Variants in MYLK observed in about 807,000 individuals in gnomAD.
MYLK encodes the protein myosin light chain kinase, smooth muscle.
A neutral mutation model predicts 203.4 loss-of-function variants in MYLK; 106 were observed. The ratio of observed to expected loss-of-function variants is 0.52; its 90% confidence interval spans 0.45 to 0.61. The LOEUF is 0.61. MYLK is among the 20% of genes least tolerant of loss of function. MYLK has a pLI of 0.00. For synonymous variants in MYLK, 867 were observed against 959.5 expected, an observed-to-expected ratio of 0.90 and a Z score of 1.78; for missense variants, 2,072 against 2,442.3, an observed-to-expected ratio of 0.85 and a Z score of 3.20.
intron 1 of MYLK, among the ~76,000 whole-genome samples, chr3:123,880,385 C>T (rs1468398891): frequency 6.6e-6 from 1 of 152,142 alleles, no homozygotes; most frequent in Non-Finnish European, 1.5e-5. Flanking sequence ...TGCAGGTGTT[C>T]GGTTCCCCCA....
chr3:123,701,467 T>C lies in MYLK; in HGVS notation c.2433A>G (p.Leu811=), dbSNP rs1320156713. ...GECSCQVSLM[L]QNSSARALPR... ...GAAGGGCTCTGGCAGAGCTGTTCTG[T>C]AGCATCAGTGACACCTGGCAACTGC... Residue 811 remains leucine (L), a synonymous_variant, in exon 17 of 34, where the codon CTA becomes CTG. Coordinates refer to ENST00000360304, the MANE Select transcript of MYLK (RefSeq NM_053025.4). 1.9e-6 allele frequency: 3 copies of C among 1,614,046 alleles called. No individual in the cohort carries two copies. The highest frequency in any genetic ancestry group is 2.5e-6 in the Non-Finnish European group (3 of 1,180,010).
At chr3:123,873,503 T>C (rs1212793642) in intron 2 of MYLK, among the ~76,000 whole-genome samples, 1 of 152,100 alleles carries the variant, frequency 6.6e-6, no homozygotes, top group African/African-American at 2.4e-5. Flanking sequence ...TAAAACTATC[T>C]TTATTCAGAG....
intron 3 of MYLK, among the ~76,000 whole-genome samples, chr3:123,808,702 CA>C (rs1321385921): frequency 1.3e-5 from 2 of 152,204 alleles, no homozygotes; most frequent in African/African-American, 2.4e-5. Context: ...GACTGAACCA[CA>C]TATCGATTGT....
chr3:123,768,397 C>G (rs1167616225), intron 4 of MYLK, among the ~76,000 whole-genome samples: 1 of 152,182 alleles, frequency 6.6e-6, no homozygotes, highest in African/African-American at 2.4e-5. Context: ...AGTCAGAATT[C>G]TCAGCACTGA....
At chr3:123,634,253 G>C (rs996018024) in intron 29 of MYLK, among the ~76,000 whole-genome samples, 2 of 152,196 alleles carry the variant, frequency 1.3e-5, no homozygotes, top group Admixed American at 6.5e-5. Context: ...GGCTTGGAGA[G>C]GGAACAGGGA....
At chr3:123,780,152 G>A (rs1219880497) in intron 4 of MYLK, among the ~76,000 whole-genome samples, 1 of 152,204 alleles carries the variant, frequency 6.6e-6, no homozygotes, top group Non-Finnish European at 1.5e-5. Flanking sequence ...TTATTTTTAT[G>A]GTTGGGCGCG....
At chr3:123,676,889 T>C (rs1396410576) in intron 20 of MYLK, among the ~76,000 whole-genome samples, 1 of 152,232 alleles carries the variant, frequency 6.6e-6, no homozygotes, top group African/African-American at 2.4e-5. Context: ...CATCAGCTTA[T>C]ATAGACTGCT....
chr3:123,633,342 G>T (rs934836714), intron 29 of MYLK, among the ~76,000 whole-genome samples: 1 of 151,970 alleles, frequency 6.6e-6, no homozygotes, highest in African/African-American at 2.4e-5. Flanking sequence ...GCCCAGGCTG[G>T]TCTCAAACTC....
chr3:123,624,354 C>G (rs2058034037), intron 31 of MYLK: 2 of 151,400 alleles, frequency 1.3e-5, no homozygotes, highest in Non-Finnish European at 2.9e-5. Context: ...ATCAGCACCA[C>G]TATGATTCCC....
chr3:123,692,915 C>T (rs541579911), intron 18 of MYLK, 64 bp from the exon 19 acceptor site: 39 of 1,411,334 alleles, frequency 2.8e-5, no homozygotes, highest in East Asian at 6.8e-5. Context: ...GCATCTGGAG[C>T]GCAGCAGGTG....
intron 2 of MYLK, among the ~76,000 whole-genome samples, chr3:123,844,822 GTTTTTTT>G (rs146243787): frequency 3.5e-4 from 41 of 117,820 alleles, no homozygotes; most frequent in Admixed American, 3.5e-4. Flanking sequence ...CTCCTCAGTT[GTTTTTTT>G]TTTTTTTTTT....
At chr3:123,868,604 A>G (rs182605627) in intron 2 of MYLK, among the ~76,000 whole-genome samples, 1 of 152,306 alleles carries the variant, frequency 6.6e-6, no homozygotes, top group African/African-American at 2.4e-5. Context: ...GTAGCAAGTG[A>G]GCACTAATTT....
At chr3:123,789,261 A>G (rs988114714) in intron 4 of MYLK, among the ~76,000 whole-genome samples, 11 of 152,128 alleles carry the variant, frequency 7.2e-5, no homozygotes, top group Non-Finnish European at 1.3e-4. Context: ...GCACGTGAGC[A>G]GAACACAGAG....
At chr3:123,619,441 C>A (rs2057719469) in intron 32 of MYLK, among the ~76,000 whole-genome samples, 1 of 152,196 alleles carries the variant, frequency 6.6e-6, no homozygotes, top group African/African-American at 2.4e-5. Context: ...CCAGAGCAGG[C>A]AGTTGCTGGC....
chr3:123,772,695 G>T (rs1247601893), intron 4 of MYLK, among the ~76,000 whole-genome samples: 3 of 151,828 alleles, frequency 2.0e-5, no homozygotes, highest in African/African-American at 7.2e-5. Flanking sequence ...TAAATAAAAA[G>T]AACACAGAAG....
At chr3:123,776,065 G>A (rs939435657) in intron 4 of MYLK, among the ~76,000 whole-genome samples, 6 of 152,156 alleles carry the variant, frequency 3.9e-5, no homozygotes, top group Non-Finnish European at 8.8e-5. Flanking sequence ...GGACTCTCTG[G>A]CTTCCTGCCT....
intron 3 of MYLK, among the ~76,000 whole-genome samples, chr3:123,806,732 G>A (rs113559065): frequency 0.18 from 27,629 of 151,860 alleles, 2,968 homozygotes; most frequent in Non-Finnish European, 0.25. Flanking sequence ...GCGTGATCTC[G>A]GCTCAATGCA....
intron 20 of MYLK, among the ~76,000 whole-genome samples, chr3:123,674,324 T>C (rs1292118034): frequency 6.6e-6 from 1 of 152,182 alleles, no homozygotes; most frequent in Non-Finnish European, 1.5e-5. Context: ...CTCCTAGGCT[T>C]CTGGTCCCCT....
At chr3:123,820,644 C>CCTTCCTTCCT (rs1560259887) in intron 3 of MYLK, among the ~76,000 whole-genome samples, 22 of 26,082 alleles carry the variant, frequency 8.4e-4, no homozygotes, top group East Asian at 5.9e-3. Flanking sequence ...CCTTCCTTCC[C>CCTTCCTTCCT]TCCTTCCTTC....
Sources: gnomAD v4.1 joint callset for allele counts (sites outside exome capture counted in the v4.1 genomes callset) on GRCh38, gnomAD v4.1.1 for gene constraint, MANE v1.5 for transcripts, NCBI Gene and HGNC (gene_info 2026-07-23, HGNC 2026-07-21) for gene names.